Variants in SCFD2 observed in about 807,000 individuals in gnomAD.
The protein encoded by SCFD2 is sec1 family domain-containing protein 2.
A neutral mutation model predicts 58.9 loss-of-function variants in SCFD2; 54 were observed. That is an observed-to-expected ratio of 0.92 (90% CI 0.74 to 1.15). The LOEUF (loss-of-function observed/expected upper bound fraction) is 1.15, where lower values mean the gene tolerates loss of function less well. Among genes scored for constraint, SCFD2 ranks in the 50% most tolerant of loss-of-function variants. SCFD2 has a pLI of 0.00. For synonymous variants in SCFD2, 321 were observed against 335.9 expected (o/e 0.96, Z 0.49); for missense variants, 805 against 836.6 (o/e 0.96, Z 0.47).
At chr4:53,322,277 A>T (rs1733047607) in intron 2 of SCFD2, among the ~76,000 whole-genome samples, 1 of 152,158 alleles carries the variant, frequency 6.6e-6, no homozygotes, top group South Asian at 2.1e-4. Context: ...TGGCAATGAA[A>T]GTGACCTCTG....
intron 4 of SCFD2, among the ~76,000 whole-genome samples, chr4:53,218,660 T>C (rs553675490): frequency 3.5e-4 from 53 of 152,352 alleles, no homozygotes; most frequent in African/African-American, 1.3e-3. Flanking sequence ...ACATTCTCCG[T>C]CCAGCTTTCT....
At chr4:53,147,566 G>A (rs1726370684) in intron 4 of SCFD2, among the ~76,000 whole-genome samples, 1 of 152,196 alleles carries the variant, frequency 6.6e-6, no homozygotes, top group Non-Finnish European at 1.5e-5. Context: ...ACTGTCACAT[G>A]GTGACAAGAC....
intron 5 of SCFD2, among the ~76,000 whole-genome samples, chr4:53,039,586 T>C (rs980515985): frequency 6.6e-6 from 1 of 152,206 alleles, no homozygotes; most frequent in African/African-American, 2.4e-5. Flanking sequence ...AATTTCTCAC[T>C]GGGCCTGAGT....
At chr4:52,905,898 G>A (rs548210064) in intron 7 of SCFD2, among the ~76,000 whole-genome samples, 5 of 152,262 alleles carry the variant, frequency 3.3e-5, no homozygotes, top group African/African-American at 9.6e-5. Flanking sequence ...TACACAACAC[G>A]ACTCTGTTCT....
At chr4:53,074,230 A>C (rs1723906603) in intron 5 of SCFD2, among the ~76,000 whole-genome samples, 1 of 152,196 alleles carries the variant, frequency 6.6e-6, no homozygotes, top group Admixed American at 6.5e-5. Flanking sequence ...TATCCATAAG[A>C]AGCAGCTCCT....
chr4:53,322,424 C>T (rs28408605), intron 2 of SCFD2, among the ~76,000 whole-genome samples: 11,950 of 152,136 alleles, frequency 0.079, 623 homozygotes, highest in South Asian at 0.17. Context: ...AGGAGAGGCA[C>T]AAATAATCCA....
intron 5 of SCFD2, among the ~76,000 whole-genome samples, chr4:52,964,225 A>C (rs73250918): frequency 1.4e-3 from 218 of 152,306 alleles, no homozygotes; most frequent in Non-Finnish European, 2.6e-3. Flanking sequence ...TTATCTATGC[A>C]TCATGTAAAG....
intron 5 of SCFD2, among the ~76,000 whole-genome samples, chr4:53,109,923 CA>C (rs1216738547): frequency 1.3e-5 from 2 of 150,912 alleles, no homozygotes; most frequent in Non-Finnish European, 1.5e-5. Flanking sequence ...AATCCTAAGC[CA>C]AAAAAAATAA....
chr4:52,913,237 G>T (rs1438111322), intron 6 of SCFD2, among the ~76,000 whole-genome samples: 1 of 152,144 alleles, frequency 6.6e-6, no homozygotes, highest in Non-Finnish European at 1.5e-5. Flanking sequence ...CTGGTTCGTG[G>T]CCTGTTAGGA....
intron 1 of SCFD2, 24 bp from the exon 2 acceptor site, chr4:53,352,790 T>C (rs780848268): frequency 1.3e-6 from 2 of 1,589,776 alleles, no homozygotes; most frequent in Non-Finnish European, 1.7e-6. Context: ...CAAGATGATG[T>C]AAATTCATAA....
At chr4:53,178,836 G>A (rs1727437683) in intron 4 of SCFD2, among the ~76,000 whole-genome samples, 1 of 152,208 alleles carries the variant, frequency 6.6e-6, no homozygotes, top group Non-Finnish European at 1.5e-5. Context: ...CAAGGCACGA[G>A]AGCTACGTGA....
chr4:53,062,773 A>ATTTT (rs1723551189), intron 5 of SCFD2, among the ~76,000 whole-genome samples: 2 of 152,198 alleles, frequency 1.3e-5, no homozygotes, highest in African/African-American at 4.8e-5. Context: ...ATGGCTGAAC[A>ATTTT]GTGACACACA....
intron 7 of SCFD2, among the ~76,000 whole-genome samples, chr4:52,898,611 G>A (rs969623423): frequency 2.6e-5 from 4 of 152,226 alleles, no homozygotes; most frequent in African/African-American, 9.6e-5. Context: ...GTGCGGTGCT[G>A]AAAAGAATGC....
rs908320239 is a variant in SCFD2 at position 52,916,456 on chromosome 4, C to A, written c.1707+4269G>T. On this transcript the variant is annotated intron_variant, in intron 6 of 8. Transcript: ENST00000401642. Reference sequence around the variant, plus strand: ...GGGCATGATGGCGCGCGCCTGTAGTCCCAGCTATTTGGGAGGCTGAGGCAT... The same window carrying A: ...GGGCATGATGGCGCGCGCCTGTAGTACCAGCTATTTGGGAGGCTGAGGCAT... 2.6e-5 allele frequency among the ~76,000 whole-genome samples: 4 copies of A among 152,332 alleles called. No homozygotes were observed. The East Asian group carries it at 5.8e-4, about 22-fold the overall frequency.
Position 53,343,819 on chromosome 4 carries a change from A to C in SCFD2, c.1007+8779T>G, listed in dbSNP as rs954743871. Among the ~76,000 whole-genome samples, 26 of 152,262 alleles carry C rather than the reference A, an allele frequency of 1.7e-4. 3 individuals are homozygous for C. The highest frequency in any genetic ancestry group is 1.4e-3 in the Admixed American group (22 of 15,284). On this transcript the variant is annotated intron_variant, in intron 2 of 8. Transcript: ENST00000401642. The stretch of plus-strand genomic sequence containing the variant: ...TCAACATATGCAAATCAATAAACAT[A>C]ATCCAGCATATAAACAGAACCAAAG...
chr4:52,965,109 C>A (rs1433187254), intron 5 of SCFD2, among the ~76,000 whole-genome samples: 1 of 152,094 alleles, frequency 6.6e-6, no homozygotes. Context: ...CATGCCGTAA[C>A]CATCATGATA....
rs112112945 is a variant in SCFD2 at position 52,892,899 on chromosome 4, A to G, written c.1843-7033T>C. On this transcript the variant is annotated intron_variant, in intron 7 of 8. Transcript: ENST00000401642. The stretch of plus-strand genomic sequence containing the variant: ...CAGATGCAATACGCAGACTGCCAAA[A>G]TCAAGTTTGTGTTTTTGCTTTACAG... Among the ~76,000 whole-genome samples, 998 of 152,328 alleles carry G rather than the reference A, an allele frequency of 6.6e-3. 13 individuals carry two copies. Among genetic ancestry groups the G allele is most frequent in the African/African-American group, 0.023 (943 of 41,582 alleles).
intron 5 of SCFD2, among the ~76,000 whole-genome samples, chr4:53,028,253 T>A (rs1311066835): frequency 2.0e-5 from 3 of 151,678 alleles, no homozygotes; most frequent in South Asian, 2.1e-4. Context: ...TCTCAAAAAA[T>A]AAATAAATAA....
intron 4 of SCFD2, among the ~76,000 whole-genome samples, chr4:53,202,806 C>T (rs1282742755): frequency 1.1e-4 from 17 of 152,080 alleles, no homozygotes; most frequent in African/African-American, 3.9e-4. Context: ...TGGGAGTTCA[C>T]TCATGATTTG....
Sources: gnomAD v4.1 joint callset for allele counts (sites outside exome capture counted in the v4.1 genomes callset) on GRCh38, gnomAD v4.1.1 for gene constraint, MANE v1.5 for transcripts, NCBI Gene and HGNC (gene_info 2026-07-23, HGNC 2026-07-21) for gene names.